The following HECW2 variants were observed in gnomAD, a reference collection of about 807,000 sequenced individuals.
HECW2 encodes HECT, C2 and WW domain containing E3 ubiquitin protein ligase 2.
In HECW2, 61 loss-of-function variants were observed where a neutral mutation model predicts 175.2. That is an observed-to-expected ratio of 0.35 (90% CI 0.28 to 0.43). The LOEUF is 0.43. HECW2 is among the 20% of genes least tolerant of loss of function. HECW2 has a pLI of 1.00. For synonymous variants in HECW2, 671 were observed against 731.0 expected, an observed-to-expected ratio of 0.92 and a Z score of 1.32; for missense variants, 1,524 against 2,000.5, an observed-to-expected ratio of 0.76 and a Z score of 4.54.
At chr2:196,387,524 G>A (rs543130717) in intron 2 of HECW2, among the ~76,000 whole-genome samples, 8 of 152,144 alleles carry the variant, frequency 5.3e-5, no homozygotes, top group African/African-American at 1.7e-4. Flanking sequence ...CCTCCAGAAC[G>A]GAGAAAGAAA....
At chr2:196,401,709 A>G (rs1002221029) in intron 2 of HECW2, among the ~76,000 whole-genome samples, 1 of 152,216 alleles carries the variant, frequency 6.6e-6, no homozygotes, top group Non-Finnish European at 1.5e-5. Context: ...AGATGTGAAT[A>G]TTCAGGATGT....
chr2:196,369,300 G>A lies in HECW2; in HGVS notation c.293-25536C>T, dbSNP rs918389172. Among the ~76,000 whole-genome samples the A allele has an allele frequency of 6.7e-5, 10 of 150,368 alleles. No homozygotes were observed. The East Asian group carries it at 1.9e-3, about 29-fold the overall frequency. Reference sequence around the variant, plus strand: ...GAAGAATTCTGTGGATTACCTGGTAGAAACTCTTTTTCTCTTCCCTTACTC... The same window carrying A: ...GAAGAATTCTGTGGATTACCTGGTAAAAACTCTTTTTCTCTTCCCTTACTC... On this transcript the variant is annotated intron_variant, in intron 2 of 28. Coordinates refer to ENST00000644978, the MANE Select transcript of HECW2 (RefSeq NM_001348768.2).
intron 2 of HECW2, among the ~76,000 whole-genome samples, chr2:196,394,419 A>T (rs1008228519): frequency 6.6e-6 from 1 of 152,224 alleles, no homozygotes; most frequent in Non-Finnish European, 1.5e-5. Context: ...TAGACCAATT[A>T]GATAGAGAGA....
intron 14 of HECW2, among the ~76,000 whole-genome samples, chr2:196,283,095 C>G (rs1003206902): frequency 1.3e-5 from 2 of 151,440 alleles, no homozygotes; most frequent in Non-Finnish European, 2.9e-5. Flanking sequence ...CTCGTCTCTA[C>G]TAAAAATATA....
chr2:196,211,097 C>A (rs1050262828), intron 28 of HECW2, among the ~76,000 whole-genome samples: 1 of 152,142 alleles, frequency 6.6e-6, no homozygotes, highest in Non-Finnish European at 1.5e-5. Context: ...TCTCCAGACA[C>A]AGCCATTTTC....
At chr2:196,378,134 C>A (rs901446023) in intron 2 of HECW2, among the ~76,000 whole-genome samples, 3 of 152,138 alleles carry the variant, frequency 2.0e-5, no homozygotes, top group Non-Finnish European at 4.4e-5. Flanking sequence ...TGGTTAAAAA[C>A]CCAAGCTCAG....
At chr2:196,392,990 AAAT>A (rs1225070244) in intron 2 of HECW2, among the ~76,000 whole-genome samples, 1 of 152,232 alleles carries the variant, frequency 6.6e-6, no homozygotes, top group East Asian at 1.9e-4. Flanking sequence ...GAGCCCTCAG[AAAT>A]AATACCACAC....
Position 196,199,474 on chromosome 2 carries a change from T to G in HECW2, c.*1803A>C, listed in dbSNP as rs571280779. The G allele has an allele frequency of 6.5e-6, 1 of 152,742 alleles. No homozygotes were observed. Among genetic ancestry groups the G allele is most frequent in the African/African-American group, 2.4e-5 (1 of 41,564 alleles). The allele number at this position is 152,742 out of a possible 1,614,324, so 9.5% of individuals were successfully genotyped here. A position where few individuals can be genotyped will look rare whatever the true frequency, so the allele number is the denominator to read the frequency against. ...GTGGTATTCCTCTTGAGGGTCCCAGTAGTAAACATAGCTTAACTCACAGGA... is the reference window on the plus strand; with the variant it reads ...GTGGTATTCCTCTTGAGGGTCCCAGGAGTAAACATAGCTTAACTCACAGGA... On this transcript the variant is annotated 3_prime_UTR_variant, in exon 29 of 29. Coordinates refer to ENST00000644978, the MANE Select transcript of HECW2 (RefSeq NM_001348768.2).
At chr2:196,236,359 T>C (rs1178101621) in intron 21 of HECW2, among the ~76,000 whole-genome samples, 1 of 152,248 alleles carries the variant, frequency 6.6e-6, no homozygotes, top group Non-Finnish European at 1.5e-5. Context: ...TGTTTTGTTT[T>C]AGAATAGGTT....
intron 2 of HECW2, among the ~76,000 whole-genome samples, chr2:196,419,821 G>A (rs191668024): frequency 1.3e-5 from 2 of 152,212 alleles, no homozygotes; most frequent in East Asian, 3.9e-4. Context: ...GCTCGGAATG[G>A]TTCAGCAACT....
At chr2:196,570,125 T>C (rs1388508601) in intron 1 of HECW2, among the ~76,000 whole-genome samples, 2 of 152,220 alleles carry the variant, frequency 1.3e-5, no homozygotes, top group Non-Finnish European at 2.9e-5. Flanking sequence ...TGTATGGTTC[T>C]AAAAGTCTCA....
chr2:196,372,058 C>A (rs1693923448), intron 2 of HECW2, among the ~76,000 whole-genome samples: 1 of 152,152 alleles, frequency 6.6e-6, no homozygotes, highest in Non-Finnish European at 1.5e-5. Context: ...GTGACGAATG[C>A]TATCATTGTA....
chr2:196,281,348 T>C (rs1690175912), intron 14 of HECW2, among the ~76,000 whole-genome samples: 1 of 152,012 alleles, frequency 6.6e-6, no homozygotes, highest in Admixed American at 6.5e-5. Context: ...CTAAAAAGCA[T>C]GTTCTTGGGC....
chr2:196,334,179 G>T (rs1490317184), intron 4 of HECW2, among the ~76,000 whole-genome samples: 2 of 152,120 alleles, frequency 1.3e-5, no homozygotes, highest in Admixed American at 6.5e-5. Context: ...TTCATGAATG[G>T]GTTCCCCGGA....
At chr2:196,529,401 G>T (rs908755202) in intron 1 of HECW2, among the ~76,000 whole-genome samples, 3 of 128,258 alleles carry the variant, frequency 2.3e-5, no homozygotes, top group African/African-American at 1.3e-4. Flanking sequence ...AAAGAGTTGA[G>T]GTGGATTCTG....
At chr2:196,467,448 C>T (rs1203122519) in intron 1 of HECW2, among the ~76,000 whole-genome samples, 1 of 152,114 alleles carries the variant, frequency 6.6e-6, no homozygotes, top group African/African-American at 2.4e-5. Context: ...TTGCAGATTC[C>T]ATTTAATCCT....
chr2:196,216,546 AC>A (rs1687483037), intron 27 of HECW2, among the ~76,000 whole-genome samples: 1 of 150,784 alleles, frequency 6.6e-6, no homozygotes, highest in African/African-American at 2.4e-5. Flanking sequence ...AAAAAAAAAC[AC>A]AAGTTAGTTT....
chr2:196,499,721 C>G (rs538665253), intron 1 of HECW2, among the ~76,000 whole-genome samples: 1 of 152,240 alleles, frequency 6.6e-6, no homozygotes, highest in African/African-American at 2.4e-5. Context: ...CATTAAAACG[C>G]ATGCATTTTT....
intron 1 of HECW2, among the ~76,000 whole-genome samples, chr2:196,504,838 T>C (rs1687699308): frequency 6.6e-6 from 1 of 152,104 alleles, no homozygotes; most frequent in South Asian, 2.1e-4. Flanking sequence ...TCTCATTTAC[T>C]CTTCACAAAA....
Sources: allele counts gnomAD v4.1 joint callset (sites outside exome capture counted in the v4.1 genomes callset), GRCh38; gene constraint gnomAD v4.1.1; transcripts MANE v1.5; gene names NCBI Gene and HGNC (gene_info 2026-07-23, HGNC 2026-07-21).